SMARCAD1: variants seen among roughly 807,000 people sequenced by gnomAD.
SMARCAD1 encodes the protein SWI/SNF-related matrix-associated actin-dependent regulator of chromatin subfamily A containing DEAD/H box 1.
SMARCAD1 carries 25 observed loss-of-function variants against 127.1 expected under a neutral mutation model. That is an observed-to-expected ratio of 0.20 (90% CI 0.14 to 0.27). The LOEUF (loss-of-function observed/expected upper bound fraction) is 0.27, where lower values mean the gene tolerates loss of function less well. Among genes scored for constraint, SMARCAD1 ranks in the 10% least tolerant of loss-of-function variants. The probability of loss-of-function intolerance (pLI) is 1.00; values close to 1 mark genes in which losing one functional copy is unlikely to be tolerated. For synonymous variants in SMARCAD1, 400 were observed against 396.9 expected (o/e 1.01, Z -0.09); for missense variants, 807 against 1,206.0 (o/e 0.67, Z 4.90).
Position 94,260,352 on chromosome 4 carries a change from T to A in SMARCAD1, c.1282-4355T>A, listed in dbSNP as rs574529334. ...AAATTAATACTTTTTATTTTATTTT[T>A]TTTTATTTTGAGACAGTCTCTCGCT... On this transcript the variant is annotated intron_variant, in intron 9 of 23. Coordinates refer to ENST00000354268, the MANE Select transcript of SMARCAD1 (RefSeq NM_020159.5). 2.0e-5 allele frequency among the ~76,000 whole-genome samples: 3 copies of A among 152,298 alleles called. No individual in the cohort carries two copies. The East Asian group carries it at 5.8e-4, about 29-fold the overall frequency.
At position 94,290,003 on chromosome 4, in the gene SMARCAD1, G is replaced by A. The variant is rs1755482288; in HGVS notation, c.*469G>A. On this transcript the variant is annotated 3_prime_UTR_variant, in exon 24 of 24. Transcript: ENST00000354268. ...TTTTATTATGTTAAAGAATGCAGCT[G>A]TATAGATTATATAGCTTTCATTTTA... 2.2e-6 allele frequency: 1 copy of A among 454,356 alleles called. No homozygotes were observed. The highest frequency in any genetic ancestry group is 6.9e-5 in the East Asian group (1 of 14,408). 28.1% of individuals were successfully genotyped at this position (454,356 alleles called of 1,614,324 possible).
At chr4:94,227,676 A>C (rs1745234944) in intron 3 of SMARCAD1, among the ~76,000 whole-genome samples, 1 of 152,160 alleles carries the variant, frequency 6.6e-6, no homozygotes, top group African/African-American at 2.4e-5. Flanking sequence ...GTGGGCAAAC[A>C]CCTTTTGAAG....
chr4:94,213,197 A>AC, intron 2 of SMARCAD1: 2 of 883,758 alleles, frequency 2.3e-6, no homozygotes, highest in Non-Finnish European at 3.1e-6. Flanking sequence ...ATAAAACCAT[A>AC]TAATAGGGCA....
At chr4:94,227,818 C>G (rs544236592) in intron 3 of SMARCAD1, among the ~76,000 whole-genome samples, 1 of 152,258 alleles carries the variant, frequency 6.6e-6, no homozygotes, top group African/African-American at 2.4e-5. Flanking sequence ...TCTGAATTTA[C>G]TAGGTGACAG....
At position 94,284,996 on chromosome 4, in the gene SMARCAD1, G is replaced by A. The variant is rs114252234; in HGVS notation, c.2946G>A (p.Thr982=). ...TTATAAAACTAATAAGCCAAGGGAC[G>A]ATTGAAGAATCCATGCTAAAAATTA... The part of the protein sequence containing the change: ...VLVIKLISQG[T]IEESMLKINQ... Residue 982 remains threonine, a synonymous_variant, in exon 23 of 24, where the codon ACG becomes ACA. Coordinates refer to ENST00000354268, the MANE Select transcript of SMARCAD1 (RefSeq NM_020159.5). 3.9e-4 allele frequency: 624 copies of A among 1,612,928 alleles called. 1 individual carries two copies. The African/African-American group carries it at 7.6e-3, about 20-fold the overall frequency.
chr4:94,289,462 C>G lies in SMARCAD1; in HGVS notation c.3020-11C>G, dbSNP rs1319197321. 6.2e-7 allele frequency: 1 copy of G among 1,608,578 alleles called. No individual in the cohort carries two copies. The highest frequency in any genetic ancestry group is 1.3e-5 in the African/African-American group (1 of 74,734). Reference sequence around the variant, plus strand: ...TTTATAAAGCTTTTAATGCTACTTTCTGACCTACAGGTGATGAAGGGAGTA... The same window carrying G: ...TTTATAAAGCTTTTAATGCTACTTTGTGACCTACAGGTGATGAAGGGAGTA... On this transcript the variant is annotated splice_polypyrimidine_tract_variant and intron_variant, in intron 23 of 23. Transcript: ENST00000354268.
At chr4:94,237,539 A>C (rs1349410546) in intron 5 of SMARCAD1, among the ~76,000 whole-genome samples, 1 of 151,942 alleles carries the variant, frequency 6.6e-6, no homozygotes, top group African/African-American at 2.4e-5. Flanking sequence ...CTACTACTAA[A>C]AAAGTATTTA....
chr4:94,266,251 T>G (rs1465628635), intron 10 of SMARCAD1, among the ~76,000 whole-genome samples: 1 of 152,074 alleles, frequency 6.6e-6, no homozygotes, highest in Non-Finnish European at 1.5e-5. Flanking sequence ...TGAGTCTACT[T>G]TATCATAATT....
chr4:94,264,496 A>G (rs1208197834), intron 9 of SMARCAD1: 2 of 453,710 alleles, frequency 4.4e-6, no homozygotes, highest in Non-Finnish European at 7.8e-6. Context: ...ACTTTAACAT[A>G]ATGAGTTTGA....
intron 9 of SMARCAD1, among the ~76,000 whole-genome samples, chr4:94,255,932 G>A (rs1440985847): frequency 6.6e-6 from 1 of 151,984 alleles, no homozygotes; most frequent in Non-Finnish European, 1.5e-5. Flanking sequence ...ATCAAGTAGG[G>A]TTCAGAAATA....
chr4:94,248,647 C>T (rs1658954911), intron 6 of SMARCAD1: 12 of 409,260 alleles, frequency 2.9e-5, no homozygotes, highest in South Asian at 2.2e-4. Flanking sequence ...TTTAATTCTT[C>T]ATCCTTGTAA....
chr4:94,232,979 C>CA (rs779221526), intron 3 of SMARCAD1, among the ~76,000 whole-genome samples: 1 of 151,548 alleles, frequency 6.6e-6, no homozygotes, highest in African/African-American at 2.4e-5. Flanking sequence ...AACCCCGTCT[C>CA]AAAAAAAGAA....
intron 9 of SMARCAD1, among the ~76,000 whole-genome samples, chr4:94,258,889 C>A (rs909949632): frequency 6.6e-6 from 1 of 152,160 alleles, no homozygotes; most frequent in Non-Finnish European, 1.5e-5. Flanking sequence ...AATGAAATGC[C>A]AAGAAACTAT....
intron 3 of SMARCAD1, among the ~76,000 whole-genome samples, chr4:94,227,747 G>A (rs1011731600): frequency 6.6e-6 from 1 of 152,192 alleles, no homozygotes; most frequent in South Asian, 2.1e-4. Flanking sequence ...ACGTCTAAAT[G>A]GAGATGTCAA....
chr4:94,258,591 G>A (rs749503334), intron 9 of SMARCAD1, among the ~76,000 whole-genome samples: 2 of 152,058 alleles, frequency 1.3e-5, no homozygotes, highest in South Asian at 4.1e-4. Flanking sequence ...TGAGTCTCTT[G>A]TTTCTGAATT....
chr4:94,243,012 G>A (rs1281171632), intron 6 of SMARCAD1, among the ~76,000 whole-genome samples: 6 of 152,186 alleles, frequency 3.9e-5, no homozygotes, highest in East Asian at 1.9e-4. Context: ...TCATCCTGTC[G>A]CCCAGGCATG....
intron 3 of SMARCAD1, among the ~76,000 whole-genome samples, chr4:94,233,241 A>G (rs974025477): frequency 3.3e-5 from 5 of 152,186 alleles, no homozygotes; most frequent in Non-Finnish European, 7.3e-5. Flanking sequence ...ACTTACATTC[A>G]TTTGTTACTG....
At chr4:94,274,155 C>G (rs1752939106) in intron 12 of SMARCAD1, among the ~76,000 whole-genome samples, 1 of 152,116 alleles carries the variant, frequency 6.6e-6, no homozygotes, top group Non-Finnish European at 1.5e-5. Context: ...AAACCCCCTT[C>G]TCTTTAAATT....
chr4:94,241,383 T>A (rs978393360), intron 6 of SMARCAD1, among the ~76,000 whole-genome samples: 1 of 152,238 alleles, frequency 6.6e-6, no homozygotes, highest in African/African-American at 2.4e-5. Context: ...CATTGGGTTC[T>A]CTGAACTGTG....
Sources: gnomAD v4.1 joint callset for allele counts (sites outside exome capture counted in the v4.1 genomes callset) on GRCh38, gnomAD v4.1.1 for gene constraint, MANE v1.5 for transcripts, NCBI Gene and HGNC (gene_info 2026-07-23, HGNC 2026-07-21) for gene names.